HHAT: variants seen among roughly 807,000 people sequenced by gnomAD.
HHAT encodes the protein hedgehog acyltransferase.
A neutral mutation model predicts 70.8 loss-of-function variants in HHAT; 47 were observed. That is an observed-to-expected ratio of 0.66 (90% CI 0.53 to 0.85). The LOEUF (loss-of-function observed/expected upper bound fraction) is 0.85. Ranked by LOEUF, HHAT falls within the 40% of genes least tolerant of loss-of-function variation. The pLI is 0.00. For synonymous variants in HHAT, 228 were observed against 247.6 expected, an observed-to-expected ratio of 0.92 and a Z score of 0.74; for missense variants, 609 against 604.8, an observed-to-expected ratio of 1.01 and a Z score of -0.07.
chr1:210,525,050 G>C (rs2095225102), intron 9 of HHAT, among the ~76,000 whole-genome samples: 1 of 151,974 alleles, frequency 6.6e-6, no homozygotes, highest in Non-Finnish European at 1.5e-5. Flanking sequence ...AGTTTTCCCA[G>C]GGTGACAAGT....
At chr1:210,562,667 T>A (rs1193305432) in intron 9 of HHAT, among the ~76,000 whole-genome samples, 4 of 152,190 alleles carry the variant, frequency 2.6e-5, no homozygotes, top group Admixed American at 1.3e-4. Context: ...CTTTTTTTTT[T>A]ATTATACTTT....
chr1:210,390,426 CT>C (rs1313613685), intron 4 of HHAT, among the ~76,000 whole-genome samples: 1 of 152,116 alleles, frequency 6.6e-6, no homozygotes, highest in East Asian at 1.9e-4. Flanking sequence ...GATATTAAAA[CT>C]CTAAGTTTAT....
intron 9 of HHAT, among the ~76,000 whole-genome samples, chr1:210,560,327 A>C (rs577753117): frequency 6.6e-6 from 1 of 152,222 alleles, no homozygotes; most frequent in South Asian, 2.1e-4. Flanking sequence ...CCCCACTTAA[A>C]AACAATGGGA....
At chr1:210,637,978 A>G (rs1672222130) in intron 11 of HHAT, among the ~76,000 whole-genome samples, 1 of 152,234 alleles carries the variant, frequency 6.6e-6, no homozygotes, top group African/African-American at 2.4e-5. Flanking sequence ...GAAAATGCAC[A>G]TTAAAACCGC....
chr1:210,374,281 A>G (rs766075770), intron 3 of HHAT: 4 of 152,212 alleles, frequency 2.6e-5, no homozygotes, highest in Non-Finnish European at 5.9e-5. Context: ...GCTACAAATT[A>G]GTTCAACTCA....
chr1:210,584,427 G>A (rs1043583641), intron 9 of HHAT, among the ~76,000 whole-genome samples: 1 of 152,116 alleles, frequency 6.6e-6, no homozygotes, highest in Non-Finnish European at 1.5e-5. Flanking sequence ...CACTGGTTAC[G>A]TAAAGTTAAG....
At chr1:210,493,674 A>G (rs2094586241) in intron 8 of HHAT, among the ~76,000 whole-genome samples, 1 of 152,208 alleles carries the variant, frequency 6.6e-6, no homozygotes, top group Admixed American at 6.5e-5. Flanking sequence ...TCTTGAGCAT[A>G]TAGGTAGCAC....
chr1:210,595,470 G>A (rs914292127), intron 10 of HHAT, among the ~76,000 whole-genome samples: 5 of 151,548 alleles, frequency 3.3e-5, no homozygotes, highest in African/African-American at 9.7e-5. Context: ...TAATCCTTTG[G>A]GTATATACCC....
intron 3 of HHAT, among the ~76,000 whole-genome samples, chr1:210,381,482 T>A (rs942432689): frequency 6.6e-6 from 1 of 152,058 alleles, no homozygotes; most frequent in African/African-American, 2.4e-5. Context: ...GGTTTCACCA[T>A]GTTGGCCAGG....
At chr1:210,604,103 T>C (rs6540607) in intron 10 of HHAT, among the ~76,000 whole-genome samples, 62,938 of 151,978 alleles carry the variant, frequency 0.41, 13,313 homozygotes, top group South Asian at 0.51. Context: ...TTTTGTTTTG[T>C]TTTGAGACAG....
chr1:210,337,963 A>C (rs548490724), intron 1 of HHAT, among the ~76,000 whole-genome samples: 68 of 152,352 alleles, frequency 4.5e-4, no homozygotes, highest in African/African-American at 1.5e-3. Context: ...TTCTGAAAGA[A>C]AAGTGATGGT....
intron 8 of HHAT, among the ~76,000 whole-genome samples, chr1:210,508,674 A>G (rs551244672): frequency 1.3e-5 from 2 of 152,304 alleles, no homozygotes; most frequent in East Asian, 3.9e-4. Flanking sequence ...CCAGCCAGTA[A>G]GATAGCTATC....
In HHAT at chr1:210,594,961, G is replaced by C. The variant is rs536115126; in HGVS notation, c.1245+6862G>C. Among the ~76,000 whole-genome samples, 25 of 24,094 alleles carry C rather than the reference G, an allele frequency of 1.0e-3. No homozygotes were observed. The East Asian group carries it at 0.05, about 49-fold the overall frequency. The allele number at this position is 24,094 out of a possible 152,430, so 15.8% of individuals were successfully genotyped here. On this transcript the variant is annotated intron_variant, in intron 10 of 11. Coordinates refer to ENST00000261458, the MANE Select transcript of HHAT (RefSeq NM_018194.6). ...GTTTCTTTGCTCTCGTTGCTTTTCA[G>C]ATTCTTTTTTTTAAATTAATTTATT...
At chr1:210,342,991 G>A (rs1054758807) in intron 1 of HHAT, among the ~76,000 whole-genome samples, 2 of 152,126 alleles carry the variant, frequency 1.3e-5, no homozygotes, top group Admixed American at 6.6e-5. Flanking sequence ...GTTGAAGGCC[G>A]AAAGAATGAG....
At chr1:210,457,722 G>A (rs2148417071) in intron 7 of HHAT, among the ~76,000 whole-genome samples, 1 of 152,334 alleles carries the variant, frequency 6.6e-6, no homozygotes, top group Middle Eastern at 3.4e-3. Context: ...TCATGAGGCA[G>A]TTGGTGAGTT....
intron 7 of HHAT, among the ~76,000 whole-genome samples, chr1:210,421,090 C>G (rs915052675): frequency 1.3e-5 from 2 of 151,900 alleles, no homozygotes; most frequent in Non-Finnish European, 2.9e-5. Flanking sequence ...TAATACAATC[C>G]CTATCAAAGT....
intron 11 of HHAT, among the ~76,000 whole-genome samples, chr1:210,670,129 C>T (rs994601310): frequency 6.6e-6 from 1 of 152,132 alleles, no homozygotes; most frequent in African/African-American, 2.4e-5. Flanking sequence ...CATAGCAGCC[C>T]TTGGAATGTT....
chr1:210,519,953 G>T (rs2095127681), intron 9 of HHAT, among the ~76,000 whole-genome samples: 1 of 150,862 alleles, frequency 6.6e-6, no homozygotes, highest in Admixed American at 6.6e-5. Flanking sequence ...TATACCTGTT[G>T]GCCATTTGTA....
intron 8 of HHAT, among the ~76,000 whole-genome samples, chr1:210,503,974 A>G (rs753786610): frequency 3.3e-5 from 5 of 152,230 alleles, no homozygotes; most frequent in Non-Finnish European, 7.3e-5. Flanking sequence ...AAGATGTCTT[A>G]GATATAACAC....
Sources: gnomAD v4.1 joint callset for allele counts (sites outside exome capture counted in the v4.1 genomes callset) on GRCh38, gnomAD v4.1.1 for gene constraint, MANE v1.5 for transcripts, NCBI Gene and HGNC (gene_info 2026-07-23, HGNC 2026-07-21) for gene names.